FLI1: variants seen among roughly 807,000 people sequenced by gnomAD.
The protein encoded by FLI1 is Fli-1 proto-oncogene, ETS transcription factor, also known as Friend leukemia integration 1 transcription factor.
In FLI1, 13 loss-of-function variants were observed where a neutral mutation model predicts 53.1. The ratio of observed to expected loss-of-function variants is 0.24; its 90% CI spans 0.16 to 0.39. The LOEUF (loss-of-function observed/expected upper bound fraction) is 0.39. Ranked by LOEUF, FLI1 falls within the 10% of genes least tolerant of loss-of-function variation. FLI1 has a pLI of 1.00. For synonymous variants in FLI1, 244 were observed against 236.7 expected (o/e 1.03, Z -0.28); for missense variants, 424 against 600.5 (o/e 0.71, Z 3.07).
chr11:128,771,182 C>T (rs1251471053), intron 3 of FLI1, among the ~76,000 whole-genome samples: 1 of 152,220 alleles, frequency 6.6e-6, no homozygotes, highest in Non-Finnish European at 1.5e-5. Context: ...GCAGGTGGCA[C>T]ATAGCACCCA....
intron 4 of FLI1, among the ~76,000 whole-genome samples, chr11:128,779,509 T>G (rs1403387151): frequency 1.3e-5 from 2 of 152,258 alleles, no homozygotes; most frequent in Non-Finnish European, 2.9e-5. Flanking sequence ...AGAACTATTG[T>G]ATGTAATTGT....
upstream of FLI1, among the ~76,000 whole-genome samples, chr11:128,689,314 T>C (rs550812288): frequency 3.3e-5 from 5 of 152,348 alleles, no homozygotes; most frequent in Non-Finnish European, 7.4e-5. Flanking sequence ...CACTTTCTCC[T>C]AGCGCGCAGA....
At chr11:128,716,909 G>A (rs1455644920) in intron 1 of FLI1, among the ~76,000 whole-genome samples, 1 of 152,200 alleles carries the variant, frequency 6.6e-6, no homozygotes, top group Non-Finnish European at 1.5e-5. Flanking sequence ...GGAGGAGGAA[G>A]AAGGCAGGGC....
At chr11:128,704,226 G>A (rs1277545131) in intron 1 of FLI1, among the ~76,000 whole-genome samples, 1 of 152,162 alleles carries the variant, frequency 6.6e-6, no homozygotes, top group Non-Finnish European at 1.5e-5. Context: ...TCACGTAGAT[G>A]TTCTATCTGA....
At chr11:128,793,042 C>T (rs767648749) in intron 5 of FLI1, among the ~76,000 whole-genome samples, 10 of 152,032 alleles carry the variant, frequency 6.6e-5, no homozygotes, top group African/African-American at 2.2e-4. Context: ...TGCTCGAGCC[C>T]GGGAGATCGA....
In FLI1 at chr11:128,702,865, G is replaced by GA. The variant is rs10677310; in HGVS notation, c.18+8603dup. 7.1e-3 allele frequency among the ~76,000 whole-genome samples: 957 copies of GA among 134,696 alleles called. 2 individuals are homozygous for GA. The highest frequency in any genetic ancestry group is 0.012 in the Middle Eastern group (3 of 258). 88.4% of individuals were successfully genotyped at this position (134,696 alleles called of 152,430 possible). On this transcript the variant is annotated intron_variant, in intron 1 of 8. Coordinates refer to ENST00000527786, the MANE Select transcript of FLI1 (RefSeq NM_002017.5). ...CAACAGGGCGAGATTCTGTCTCAAA[G>GA]AAAAAAAAAAAAAACATGGAGAAAA...
At chr11:128,724,234 C>T (rs539598772) in intron 1 of FLI1, among the ~76,000 whole-genome samples, 2 of 152,212 alleles carry the variant, frequency 1.3e-5, no homozygotes, top group African/African-American at 2.4e-5. Context: ...CATGAGCCAC[C>T]GTGCCTGGCC....
chr11:128,719,599 G>A (rs1265562084), intron 1 of FLI1, among the ~76,000 whole-genome samples: 1 of 152,102 alleles, frequency 6.6e-6, no homozygotes, highest in Non-Finnish European at 1.5e-5. Flanking sequence ...GACTTGAAGG[G>A]CAACGGAGAC....
chr11:128,811,062 C>T lies in FLI1; in HGVS notation c.*74C>T, dbSNP rs1942925363. 4 of 1,391,664 alleles carry T rather than the reference C, an allele frequency of 2.9e-6. No homozygotes were observed. The highest frequency in any genetic ancestry group is 4.6e-5 in the East Asian group (2 of 43,700). 86.2% of individuals were successfully genotyped at this position (1,391,664 alleles called of 1,614,324 possible). On this transcript the variant is annotated 3_prime_UTR_variant, in exon 9 of 9. Coordinates refer to ENST00000527786, the MANE Select transcript of FLI1 (RefSeq NM_002017.5). ...ACTGGATGCTTTGGACTCAACAGGA[C>T]ATATGTGGCCTTGAAGGGAAGACAA... is the stretch of plus-strand genomic sequence containing the variant.
At chr11:128,760,424 G>GT (rs937072474) in intron 2 of FLI1, among the ~76,000 whole-genome samples, 21 of 151,878 alleles carry the variant, frequency 1.4e-4, no homozygotes, top group African/African-American at 5.1e-4. Flanking sequence ...CGCCCACCTG[G>GT]TGAGGAGGCC....
intron 1 of FLI1, among the ~76,000 whole-genome samples, chr11:128,716,939 T>G (rs1289833670): frequency 6.6e-6 from 1 of 152,140 alleles, no homozygotes; most frequent in Non-Finnish European, 1.5e-5. Context: ...ACTGTGGGCA[T>G]GGGCACATTG....
At chr11:128,707,404 G>A (rs1412791587) in intron 1 of FLI1, among the ~76,000 whole-genome samples, 1 of 152,196 alleles carries the variant, frequency 6.6e-6, no homozygotes, top group Non-Finnish European at 1.5e-5. Flanking sequence ...AGAGGTGAGG[G>A]ACTTGAAGGG....
chr11:128,727,048 G>A (rs188741618), intron 1 of FLI1, among the ~76,000 whole-genome samples: 14 of 152,232 alleles, frequency 9.2e-5, no homozygotes, highest in South Asian at 6.2e-4. Flanking sequence ...CCTGCCTGGC[G>A]TTAATATTTG....
At chr11:128,765,337 T>C (rs1941295410) in intron 2 of FLI1, among the ~76,000 whole-genome samples, 1 of 152,202 alleles carries the variant, frequency 6.6e-6, no homozygotes, top group Non-Finnish European at 1.5e-5. Context: ...TACATGGCCA[T>C]AACCATAAAG....
chr11:128,698,984 C>A (rs1211517280), intron 1 of FLI1, among the ~76,000 whole-genome samples: 1 of 151,996 alleles, frequency 6.6e-6, no homozygotes, highest in Non-Finnish European at 1.5e-5. Flanking sequence ...AAGGAGACAA[C>A]CAAAAATATA....
chr11:128,797,979 G>A (rs894043985), intron 5 of FLI1, among the ~76,000 whole-genome samples: 4 of 152,094 alleles, frequency 2.6e-5, no homozygotes, highest in Non-Finnish European at 4.4e-5. Context: ...GCAGACCCAA[G>A]AGTGTATCCC....
intron 5 of FLI1, among the ~76,000 whole-genome samples, chr11:128,801,404 T>C (rs752703528): frequency 6.6e-6 from 1 of 152,234 alleles, no homozygotes. Context: ...TAAATTCTTC[T>C]TGAGTGACTT....
At chr11:128,764,899 C>T in intron 2 of FLI1, 1 of 1,470,592 alleles carries the variant, frequency 6.8e-7, no homozygotes. Flanking sequence ...AGGATGGTGC[C>T]AGCCCTTCTC....
At chr11:128,712,676 C>A (rs1226668791) in intron 1 of FLI1, among the ~76,000 whole-genome samples, 2 of 152,164 alleles carry the variant, frequency 1.3e-5, no homozygotes, top group African/African-American at 4.8e-5. Context: ...GAAACCCATT[C>A]ACTATCATGA....
Sources: gnomAD v4.1 joint callset for allele counts (sites outside exome capture counted in the v4.1 genomes callset) on GRCh38, gnomAD v4.1.1 for gene constraint, MANE v1.5 for transcripts, NCBI Gene and HGNC (gene_info 2026-07-23, HGNC 2026-07-21) for gene names.